The following MYO15A variants were observed in gnomAD, a reference collection of about 807,000 sequenced individuals.
MYO15A encodes unconventional myosin-XV.
A neutral mutation model predicts 394.6 loss-of-function variants in MYO15A; 308 were observed. That is an observed-to-expected ratio of 0.78 (90% CI 0.71 to 0.86). MYO15A has a LOEUF of 0.86. MYO15A is among the 40% of genes least tolerant of loss of function. The probability of loss-of-function intolerance (pLI) is 0.00; values close to 1 mark genes in which losing one functional copy is unlikely to be tolerated. For missense variants in MYO15A, 4,606 were observed against 4,799.1 expected, an observed-to-expected ratio of 0.96 and a Z score of 1.19; for synonymous variants, 1,957 against 2,003.8, an observed-to-expected ratio of 0.98 and a Z score of 0.62.
At position 18,131,534 on chromosome 17, in the gene MYO15A, G is replaced by A; in HGVS notation, c.4206+3G>A. The stretch of plus-strand genomic sequence containing the variant: ...AGAAATCCAGGATCGTGTTTCAGGT[G>A]GGCCACCCCCTCCCAGGCCTCTGTG... On this transcript the variant is annotated splice_donor_region_variant and intron_variant, in intron 10 of 65. Coordinates refer to ENST00000647165, the MANE Select transcript of MYO15A (RefSeq NM_016239.4). The A allele has an allele frequency of 6.2e-7, 1 of 1,613,914 alleles. No homozygotes were observed. The highest frequency in any genetic ancestry group is 8.5e-7 in the Non-Finnish European group (1 of 1,179,916).
Position 18,121,834 on chromosome 17 carries a change from C to T in MYO15A, c.3034C>T (p.Pro1012Ser). 1.2e-6 allele frequency: 2 copies of T among 1,612,890 alleles called. No homozygotes were observed. Among genetic ancestry groups the T allele is most frequent in the Non-Finnish European group, 1.7e-6 (2 of 1,179,934 alleles). ...ATCAGCTGGCCCAACCCCTGAGAAG[C>T]CTGAAGAAGAGGCCACCCTGGGGGA... ...TKSAGPTPEK[P>S]EEEATLGDPQ... is the part of the protein sequence containing the mutation. The change falls in exon 2 of 66, where the codon CCT becomes TCT. Residue 1012 changes from proline to serine, a missense_variant. This residue lies in a region of MYO15A where 1,830 missense variants were observed against 1,689.7 expected (regional missense o/e 1.08). Coordinates refer to ENST00000647165, the MANE Select transcript of MYO15A (RefSeq NM_016239.4). This position sits in a 1 kb window ranked among gnomAD's most constrained non-coding sequence, Gnocchi z 5.3.
At position 18,132,637 on chromosome 17, in the gene MYO15A, G is replaced by A; in HGVS notation, c.4320+71G>A. The A allele has an allele frequency of 8.5e-6, 11 of 1,297,334 alleles. No homozygotes were observed. The highest frequency in any genetic ancestry group is 1.4e-5 in the African/African-American group (1 of 68,966). 80.4% of individuals were successfully genotyped at this position (1,297,334 alleles called of 1,614,324 possible). On this transcript the variant is annotated intron_variant, in intron 11 of 65. Coordinates refer to ENST00000647165, the MANE Select transcript of MYO15A (RefSeq NM_016239.4). The surrounding 1 kb of genome is among the most constrained non-coding windows in gnomAD (Gnocchi z 4.6). ...ACCCCGACGCCCCTGGCTGGGCCTTGGGAGCCGAGTTGTGAGTGATGGAGT... is the reference window on the plus strand; with the variant it reads ...ACCCCGACGCCCCTGGCTGGGCCTTAGGAGCCGAGTTGTGAGTGATGGAGT...
At position 18,157,813 on chromosome 17, in the gene MYO15A, A is replaced by G. The variant is rs751621556; in HGVS notation, c.8880A>G (p.Pro2960=). The G allele has an allele frequency of 5.0e-6, 8 of 1,601,116 alleles. No homozygotes were observed. In the African/African-American group the frequency reaches 1.1e-4, roughly 21 times the overall value. The change falls in exon 51 of 66, where the codon CCA becomes CCG. Residue 2960 remains proline (P), a synonymous_variant. Coordinates refer to ENST00000647165, the MANE Select transcript of MYO15A (RefSeq NM_016239.4). ...CTGCCCCCGACTTCCTGCAGCTGCC[A>G]ACGGAGCCAGGCCGCGGCCGAGCAG... ...PAAAPDFLQL[P]TEPGRGRAAA...
At position 18,141,141 on chromosome 17, in the gene MYO15A, C is replaced by A; in HGVS notation, c.5529C>A (p.Asp1843Glu). 1.9e-6 allele frequency: 3 copies of A among 1,613,636 alleles called. No individual in the cohort carries two copies. Among genetic ancestry groups the A allele is most frequent in the Non-Finnish European group, 2.5e-6 (3 of 1,180,004 alleles). The change falls in exon 22 of 66, where the codon GAC (aspartate) becomes GAA (glutamate). Residue 1843 changes from aspartate to glutamate, a missense_variant and splice_region_variant. Physicochemically the swap from Asp to Glu is conservative, Grantham distance 45 (BLOSUM62 2). This residue lies in a region of MYO15A where 2,776 missense variants were observed against 3,109.3 expected (regional missense o/e 0.89). Transcript: ENST00000647165. ...PVRLPFQGFIDRYCCLVALKH... is the reference protein window; with the variant it reads ...PVRLPFQGFIERYCCLVALKH... ...GCCTGCCTTTCCAGGGGTTCATCGA[C>A]AGGTATCTTGGTTACGGTAGTTCCT...
chr17:18,147,833 C>T lies in MYO15A; in HGVS notation c.6510-196C>T, dbSNP rs1567649597. 3.3e-5 allele frequency among the ~76,000 whole-genome samples: 5 copies of T among 152,098 alleles called. No homozygotes were observed. Among genetic ancestry groups the T allele is most frequent in the Admixed American group, 2.6e-4 (4 of 15,272 alleles). On this transcript the variant is annotated intron_variant, in intron 30 of 65. Transcript: ENST00000647165. This position sits in a 1 kb window ranked among gnomAD's most constrained non-coding sequence, Gnocchi z 4.4. ...AGGCTAGCCTGGGACCCCTTAAGTG[C>T]AGTCCCAGAGCACTGGACTCTAGCC...
chr17:18,141,284 A>T, intron 22 of MYO15A, 141 bp downstream of exon 22: 1 of 1,255,592 alleles, frequency 8.0e-7, no homozygotes, highest in South Asian at 1.3e-5. Flanking sequence ...ACCACATGCT[A>T]ACTGTTAATG....
intron 2 of MYO15A, 90 bp from the exon 3 acceptor site, chr17:18,124,393 G>T (rs940545415): frequency 7.3e-7 from 1 of 1,367,864 alleles, no homozygotes; most frequent in Non-Finnish European, 1.0e-6. Flanking sequence ...CCCAACAATG[G>T]TAGCAGGCCC....
In MYO15A at chr17:18,161,594, T is replaced by C. The variant is rs933762657; in HGVS notation, c.9517+147T>C. The C allele has an allele frequency of 8.5e-6, 11 of 1,295,776 alleles. No individual in the cohort carries two copies. In the African/African-American group the frequency reaches 1.5e-4, roughly 17 times the overall value. The allele number at this position is 1,295,776 out of a possible 1,614,324, so 80.3% of individuals were successfully genotyped here. A position where few individuals can be genotyped will look rare whatever the true frequency, so the allele number is the denominator to read the frequency against. On this transcript the variant is annotated intron_variant, in intron 57 of 65. Coordinates refer to ENST00000647165, the MANE Select transcript of MYO15A (RefSeq NM_016239.4). Reference sequence around the variant, plus strand: ...CAATATTAATATACTCCCCAAACATTTGTTAAGGTTTCACAGGGGCTGGCG... The same window carrying C: ...CAATATTAATATACTCCCCAAACATCTGTTAAGGTTTCACAGGGGCTGGCG...
In MYO15A at chr17:18,135,738, G is replaced by A. The variant is rs372680694; in HGVS notation, c.4510G>A (p.Val1504Met). The A allele has an allele frequency of 6.2e-7, 1 of 1,614,190 alleles. No individual in the cohort carries two copies. The highest frequency in any genetic ancestry group is 8.5e-7 in the Non-Finnish European group (1 of 1,180,030). ...ETDAQEVASV[V>M]SAREIQAVAE... The stretch of plus-strand genomic sequence containing the variant: ...GGATGCACAGGAGGTGGCCTCAGTG[G>A]TGAGTGCCCGAGAGATCCAGGCCGT... The change falls in exon 13 of 66, where the codon GTG becomes ATG. Residue 1504 changes from valine (V) to methionine (M), a missense_variant. Coordinates refer to ENST00000647165, the MANE Select transcript of MYO15A (RefSeq NM_016239.4).
chr17:18,111,415 C>A (rs2045719976), intron 1 of MYO15A, among the ~76,000 whole-genome samples: 1 of 151,372 alleles, frequency 6.6e-6, no homozygotes, highest in Non-Finnish European at 1.5e-5. Context: ...GAGCAGAGAT[C>A]ATGTCTGGTT....
chr17:18,119,535 C>T lies in MYO15A; in HGVS notation c.735C>T (p.Tyr245=), dbSNP rs758073713. The change falls in exon 2 of 66, where the codon TAC becomes TAT. Residue 245 remains tyrosine (Y), a synonymous_variant. Transcript: ENST00000647165. The part of the protein sequence containing the change: ...YYDYHRDGDD[Y]YDRQSLHRYE... The stretch of plus-strand genomic sequence containing the variant: ...ACTATCACCGCGACGGCGACGACTA[C>T]TACGACCGGCAGTCACTCCACCGCT... 1 of 1,609,510 alleles carries T rather than the reference C, an allele frequency of 6.2e-7. No individual in the cohort carries two copies. Among genetic ancestry groups the T allele is most frequent in the East Asian group, 2.2e-5 (1 of 44,866 alleles).
chr17:18,153,812 C>CA lies in MYO15A; in HGVS notation c.8005dup (p.Thr2669AsnfsTer43), dbSNP rs1221876133. 9.3e-6 allele frequency: 15 copies of CA among 1,613,792 alleles called. No individual in the cohort carries two copies. Among genetic ancestry groups the CA allele is most frequent in the Non-Finnish European group, 1.3e-5 (15 of 1,180,030 alleles). On this transcript the variant is annotated frameshift_variant, in exon 43 of 66. Transcript: ENST00000647165. LOFTEE classifies it high-confidence loss of function. The surrounding 1 kb of genome is among the most constrained non-coding windows in gnomAD (Gnocchi z 4.1). The stretch of plus-strand genomic sequence containing the variant: ...GATCGCTGGAGCCCCCTGAGGAACT[C>CA]ACGCAGACGCGGCTGCACCGCCTCA...
At chr17:18,130,668 T>C (rs997466035) in intron 7 of MYO15A, 137 bp from the exon 8 acceptor site, 4 of 1,470,540 alleles carry the variant, frequency 2.7e-6, no homozygotes, top group African/African-American at 1.4e-5. Context: ...CTGGGGTCTC[T>C]GAGCCTCACA....
chr17:18,158,055 A>G (rs1237878865), intron 51 of MYO15A, among the ~76,000 whole-genome samples, 155 bp downstream of exon 51: 1 of 152,024 alleles, frequency 6.6e-6, no homozygotes, highest in East Asian at 1.9e-4. Context: ...AACCAGGTAG[A>G]GTGAGCCGCA....
At position 18,121,298 on chromosome 17, in the gene MYO15A, TGGGCCCACCC is replaced by T; in HGVS notation, c.2501_2510del (p.Gly834AlafsTer26). On this transcript the variant is annotated frameshift_variant, in exon 2 of 66. Coordinates refer to ENST00000647165, the MANE Select transcript of MYO15A (RefSeq NM_016239.4). LOFTEE classifies it high-confidence loss of function. The surrounding 1 kb of genome is among the most constrained non-coding windows in gnomAD (Gnocchi z 5.3). ...GCCCCACGCCGAGCCGCTGGGCGCC[TGGGCCCACCC>T]GGCTCGCCGCTGCCGGGCTCACCCA... is the stretch of plus-strand genomic sequence containing the variant. 1.5e-6 allele frequency: 2 copies of T among 1,334,294 alleles called. No homozygotes were observed. The highest frequency in any genetic ancestry group is 1.9e-6 in the Non-Finnish European group (2 of 1,048,070). 82.7% of individuals were successfully genotyped at this position (1,334,294 alleles called of 1,614,324 possible). A position where few individuals can be genotyped will look rare whatever the true frequency, so the allele number is the denominator to read the frequency against.
In MYO15A at chr17:18,122,260, T is replaced by C. The variant is rs767226283; in HGVS notation, c.3460T>C (p.Trp1154Arg). The change falls in exon 2 of 66, where the codon TGG (tryptophan) becomes CGG (arginine). Residue 1154 changes from tryptophan to arginine, a missense_variant. Around this residue, in one of 2 missense-constraint regions of MYO15A, gnomAD observed 1,830 missense variants for 1,689.7 expected, o/e 1.08. Transcript: ENST00000647165. The part of the protein sequence containing the change: ...DPKPRACSLR[W>R]SCLWLRADAY... ...CAAGCCAAGAGCCTGTAGTCTTCGCTGGTCCTGCCTCTGGCTTCGGGCAGA... is the reference window on the plus strand; with the variant it reads ...CAAGCCAAGAGCCTGTAGTCTTCGCCGGTCCTGCCTCTGGCTTCGGGCAGA... 8 of 1,613,026 alleles carry C rather than the reference T, an allele frequency of 5.0e-6. No individual in the cohort carries two copies. Among genetic ancestry groups the C allele is most frequent in the Non-Finnish European group, 5.9e-6 (7 of 1,180,024 alleles).
chr17:18,146,694 A>G (rs573651240), intron 30 of MYO15A, among the ~76,000 whole-genome samples: 1 of 152,266 alleles, frequency 6.6e-6, no homozygotes, highest in South Asian at 2.1e-4. Flanking sequence ...GGAGGCCAAG[A>G]TGGGAGGATC....
chr17:18,150,016 C>T lies in MYO15A; in HGVS notation c.7213-413C>T, dbSNP rs1443605768. Reference sequence around the variant, plus strand: ...TTTGGTGGCAGCCAGCCCCCCGGGGCCACTAAAATATCTCTATCTGGATGG... The same window carrying T: ...TTTGGTGGCAGCCAGCCCCCCGGGGTCACTAAAATATCTCTATCTGGATGG... On this transcript the variant is annotated intron_variant, in intron 35 of 65. Coordinates refer to ENST00000647165, the MANE Select transcript of MYO15A (RefSeq NM_016239.4). The surrounding 1 kb of genome is among the most constrained non-coding windows in gnomAD (Gnocchi z 4.4). 3 of 312,310 alleles carry T rather than the reference C, an allele frequency of 9.6e-6. No individual in the cohort carries two copies. The highest frequency in any genetic ancestry group is 4.3e-5 in the African/African-American group (2 of 46,530). The allele number at this position is 312,310 out of a possible 1,614,324, so 19.3% of individuals were successfully genotyped here.
In MYO15A at chr17:18,124,669, T is replaced by C. The variant is rs1281897973; in HGVS notation, c.3692+104T>C. 7.5e-6 allele frequency: 8 copies of C among 1,070,402 alleles called. No homozygotes were observed. The East Asian group carries it at 7.6e-5, about 10-fold the overall frequency. 66.3% of individuals were successfully genotyped at this position (1,070,402 alleles called of 1,614,324 possible). A position where few individuals can be genotyped will look rare whatever the true frequency, so the allele number is the denominator to read the frequency against. ...CAGTTGCCTCTCACCTCCCAGGACA[T>C]TTTCAGAGCCTCAGTCATGAAGTGT... On this transcript the variant is annotated intron_variant, in intron 3 of 65. Transcript: ENST00000647165.
Sources: gnomAD v4.1 joint callset for allele counts (sites outside exome capture counted in the v4.1 genomes callset) on GRCh38, gnomAD v4.1.1 for gene constraint, gnomAD v4.1.1 regional missense constraint, Gnocchi (gnomAD v3.1) non-coding constraint, MANE v1.5 for transcripts, NCBI Gene and HGNC (gene_info 2026-07-23, HGNC 2026-07-21) for gene names.